Variants in SV2C observed in about 807,000 individuals in gnomAD.
SV2C encodes the protein solute carrier family 22 member B3.
SV2C carries 49 observed loss-of-function variants against 79.7 expected under a neutral mutation model. The observed-to-expected ratio is 0.61, with a 90% confidence interval of 0.49 to 0.78. The LOEUF is 0.78. Among genes scored for constraint, SV2C ranks in the 30% least tolerant of loss-of-function variants. The pLI is 0.00. For synonymous variants in SV2C, 334 were observed against 333.2 expected, an observed-to-expected ratio of 1.00 and a Z score of -0.03; for missense variants, 833 against 912.9, an observed-to-expected ratio of 0.91 and a Z score of 1.13.
chr5:76,185,116 A>T (rs1311793655), intron 2 of SV2C, among the ~76,000 whole-genome samples: 3 of 152,246 alleles, frequency 2.0e-5, no homozygotes, highest in African/African-American at 7.2e-5. Context: ...GTCAGTAGTT[A>T]AACCTTAACA....
At chr5:76,175,621 G>A (rs78000228) in intron 2 of SV2C, among the ~76,000 whole-genome samples, 6 of 152,162 alleles carry the variant, frequency 3.9e-5, no homozygotes, top group South Asian at 2.1e-4. Context: ...CTTTTAACAC[G>A]AATCCTGAGG....
At chr5:75,867,923 G>T in the SV2C span, among the ~76,000 whole-genome samples, 7 of 152,214 alleles carry the variant, frequency 4.6e-5, no homozygotes, top group African/African-American at 1.4e-4. Context: ...GATGATGAAG[G>T]CATAAACTAC....
chr5:76,335,483 G>A (rs1183164615), downstream of SV2C, among the ~76,000 whole-genome samples: 2 of 146,254 alleles, frequency 1.4e-5, no homozygotes, highest in African/African-American at 5.3e-5. Flanking sequence ...GGATTTGGCA[G>A]GGTCATAGGA....
intron 2 of SV2C, among the ~76,000 whole-genome samples, chr5:76,171,730 T>C (rs866554734): frequency 3.0e-4 from 29 of 95,950 alleles, no homozygotes; most frequent in East Asian, 1.1e-3. Context: ...GCCCCCCGCC[T>C]GGCCAGCCGT....
Position 76,332,985 on chromosome 5 carries a change from C to A in SV2C, c.*7438C>A, listed in dbSNP as rs1749229437. Reference sequence around the variant, plus strand: ...TATTGACTCAGAATAGGACCCAGTACAGAGAATCCACTGTTATCTATGGGT... The same window carrying A: ...TATTGACTCAGAATAGGACCCAGTAAAGAGAATCCACTGTTATCTATGGGT... On this transcript the variant is annotated 3_prime_UTR_variant, in exon 13 of 13. Coordinates refer to ENST00000502798, the MANE Select transcript of SV2C (RefSeq NM_014979.4). 1.3e-5 allele frequency: 2 copies of A among 152,228 alleles called. No individual in the cohort carries two copies. Among genetic ancestry groups the A allele is most frequent in the Non-Finnish European group, 2.9e-5 (2 of 68,036 alleles). 9.4% of individuals were successfully genotyped at this position (152,228 alleles called of 1,614,324 possible). A position where few individuals can be genotyped will look rare whatever the true frequency, so the allele number is the denominator to read the frequency against.
the SV2C span, among the ~76,000 whole-genome samples, chr5:75,894,242 T>C: frequency 6.6e-6 from 1 of 152,008 alleles, no homozygotes; most frequent in African/African-American, 2.4e-5. Flanking sequence ...TCCTCTTCTT[T>C]ATAAAAACAA....
intron 4 of SV2C, among the ~76,000 whole-genome samples, chr5:76,230,320 AATT>A (rs1745374199): frequency 6.6e-6 from 1 of 152,020 alleles, no homozygotes. Flanking sequence ...TTAACAATGC[AATT>A]ATTTGCACAA....
chr5:76,057,726 G>A, the SV2C span, among the ~76,000 whole-genome samples: 1 of 151,912 alleles, frequency 6.6e-6, no homozygotes, highest in Non-Finnish European at 1.5e-5. Context: ...AGATTACATA[G>A]TATGCAAAAA....
chr5:76,062,638 C>T, the SV2C span, among the ~76,000 whole-genome samples: 1 of 149,068 alleles, frequency 6.7e-6, no homozygotes, highest in East Asian at 1.9e-4. Context: ...AAAAAAAAAA[C>T]TGTGTAATTT....
chr5:75,945,389 G>A, the SV2C span, among the ~76,000 whole-genome samples: 1 of 151,766 alleles, frequency 6.6e-6, no homozygotes, highest in East Asian at 1.9e-4. Context: ...ATGGCTCACT[G>A]CAATCTCTGC....
the SV2C span, among the ~76,000 whole-genome samples, chr5:75,945,875 A>G: frequency 1.3e-5 from 2 of 152,114 alleles, no homozygotes; most frequent in Non-Finnish European, 2.9e-5. Context: ...TGTATTTTGA[A>G]TAAAGCAAAA....
chr5:75,968,311 A>T, the SV2C span, among the ~76,000 whole-genome samples: 89 of 152,358 alleles, frequency 5.8e-4, no homozygotes, highest in Middle Eastern at 3.4e-3. Context: ...CAGCAACTGA[A>T]CAAAGCTGGA....
the SV2C span, among the ~76,000 whole-genome samples, chr5:75,892,733 C>G: frequency 6.6e-6 from 1 of 152,228 alleles, no homozygotes; most frequent in African/African-American, 2.4e-5. Flanking sequence ...AGGCCTCCAG[C>G]TGCATCCATA....
Position 76,190,553 on chromosome 5 carries a change from G to A in SV2C, c.581-4366G>A, listed in dbSNP as rs181654124. 1.4e-4 allele frequency among the ~76,000 whole-genome samples: 21 copies of A among 152,236 alleles called. No homozygotes were observed. In the East Asian group the frequency reaches 3.3e-3, roughly 24 times the overall value. On this transcript the variant is annotated intron_variant, in intron 2 of 12. Coordinates refer to ENST00000502798, the MANE Select transcript of SV2C (RefSeq NM_014979.4). Reference sequence around the variant, plus strand: ...ACCAGCCATCTAGAGTCGGGGATTCGCTGACTTGGCAGGATTCTTGCTAAA... The same window carrying A: ...ACCAGCCATCTAGAGTCGGGGATTCACTGACTTGGCAGGATTCTTGCTAAA...
chr5:75,947,226 A>G, the SV2C span, among the ~76,000 whole-genome samples: 2 of 152,128 alleles, frequency 1.3e-5, no homozygotes, highest in Admixed American at 6.6e-5. Flanking sequence ...TCTTGATTCA[A>G]TTAACTTGTG....
the SV2C span, among the ~76,000 whole-genome samples, chr5:75,957,900 G>A: frequency 2.6e-5 from 4 of 151,950 alleles, no homozygotes; most frequent in African/African-American, 9.7e-5. Flanking sequence ...TTCTTGCTAG[G>A]CATCTTTGGA....
the SV2C span, among the ~76,000 whole-genome samples, chr5:75,999,674 G>C: frequency 6.6e-6 from 1 of 150,684 alleles, no homozygotes; most frequent in Non-Finnish European, 1.5e-5. Flanking sequence ...TTCTACCCAG[G>C]CCTGTCTTAA....
At chr5:76,285,634 A>C (rs1295043107) in intron 5 of SV2C, 147 bp from the exon 6 acceptor site, 1 of 660,832 alleles carries the variant, frequency 1.5e-6, no homozygotes, top group East Asian at 2.7e-5. Flanking sequence ...GTGATATCCA[A>C]ATAGTCTGTA....
the SV2C span, among the ~76,000 whole-genome samples, chr5:75,964,451 C>T: frequency 6.6e-6 from 1 of 152,120 alleles, no homozygotes; most frequent in Non-Finnish European, 1.5e-5. Context: ...CAACTCCTTG[C>T]CACCTCTGTG....
Sources: allele counts gnomAD v4.1 joint callset (sites outside exome capture counted in the v4.1 genomes callset), GRCh38; gene constraint gnomAD v4.1.1; transcripts MANE v1.5; gene names NCBI Gene and HGNC (gene_info 2026-07-23, HGNC 2026-07-21).